The following CALCRL variants were observed in gnomAD, a reference collection of about 807,000 sequenced individuals.
The protein encoded by CALCRL is calcitonin receptor like receptor.
A neutral mutation model predicts 60.4 loss-of-function variants in CALCRL; 27 were observed. The ratio of observed to expected loss-of-function variants is 0.45; its 90% confidence interval spans 0.33 to 0.62. The LOEUF (loss-of-function observed/expected upper bound fraction) is 0.62, where lower values mean the gene tolerates loss of function less well. Among genes scored for constraint, CALCRL ranks in the 20% least tolerant of loss-of-function variants. CALCRL has a pLI of 0.03. For synonymous variants in CALCRL, 190 were observed against 182.6 expected (o/e 1.04, Z -0.33); for missense variants, 424 against 540.7 (o/e 0.78, Z 2.14).
intron 3 of CALCRL, among the ~76,000 whole-genome samples, chr2:187,386,085 AC>A (rs1688193618): frequency 6.6e-6 from 1 of 152,260 alleles, no homozygotes; most frequent in African/African-American, 2.4e-5. Context: ...GCTTATAAAT[AC>A]ATTTTAATTT....
intron 8 of CALCRL, among the ~76,000 whole-genome samples, chr2:187,376,328 A>G (rs1249655058): frequency 6.6e-6 from 1 of 152,098 alleles, no homozygotes; most frequent in African/African-American, 2.4e-5. Flanking sequence ...GATTCTTGAA[A>G]TCATACATTG....
intron 1 of CALCRL, among the ~76,000 whole-genome samples, chr2:187,441,192 A>G (rs1165019093): frequency 6.6e-6 from 1 of 152,102 alleles, no homozygotes; most frequent in African/African-American, 2.4e-5. Flanking sequence ...AATTGCGAAC[A>G]CAGTGAATCT....
chr2:187,391,947 T>C (rs931325690), intron 1 of CALCRL, among the ~76,000 whole-genome samples: 2 of 152,106 alleles, frequency 1.3e-5, no homozygotes, highest in Admixed American at 6.6e-5. Context: ...ATACTTAAAT[T>C]TTAAGAGGGC....
intron 1 of CALCRL, among the ~76,000 whole-genome samples, chr2:187,440,704 CTT>C (rs371328446): frequency 5.7e-4 from 87 of 152,008 alleles, no homozygotes; most frequent in African/African-American, 1.9e-3. Context: ...AATATAAAGT[CTT>C]TGTTAATTTT....
intron 7 of CALCRL, among the ~76,000 whole-genome samples, chr2:187,379,414 G>A (rs1478454961): frequency 6.6e-6 from 1 of 152,232 alleles, no homozygotes; most frequent in East Asian, 1.9e-4. Flanking sequence ...TTGTTCAGAT[G>A]TAAATGCCAG....
chr2:187,422,533 T>G (rs1323406006), intron 1 of CALCRL, among the ~76,000 whole-genome samples: 1 of 152,122 alleles, frequency 6.6e-6, no homozygotes, highest in East Asian at 1.9e-4. Flanking sequence ...GGCAATTTGC[T>G]TTGGGGCATT....
chr2:187,439,113 A>G (rs1356335273), intron 1 of CALCRL, among the ~76,000 whole-genome samples: 2 of 152,174 alleles, frequency 1.3e-5, no homozygotes, highest in Non-Finnish European at 2.9e-5. Context: ...GGTGCTTCAT[A>G]TATATTAGTG....
rs74590849 is a variant in CALCRL at position 187,401,804 on chromosome 2, T to C, written c.-292-14048A>G. ...AAACATCAAAAATACAAGAGAAATA[T>C]TAGCAAGAAAAAATGTTGAACTTTG... On this transcript the variant is annotated intron_variant, in intron 1 of 14. Transcript: ENST00000392370. 2.1e-3 allele frequency among the ~76,000 whole-genome samples: 317 copies of C among 151,762 alleles called. 4 individuals are homozygous for C. In the East Asian group the frequency reaches 0.052, roughly 25 times the overall value.
chr2:187,447,351 C>T (rs1410753284), intron 1 of CALCRL, among the ~76,000 whole-genome samples: 1 of 151,644 alleles, frequency 6.6e-6, no homozygotes, highest in Non-Finnish European at 1.5e-5. Flanking sequence ...TTTTAAAAAT[C>T]TACATTTCCT....
At chr2:187,419,498 CCTT>C (rs1376622682) in intron 1 of CALCRL, among the ~76,000 whole-genome samples, 1 of 152,142 alleles carries the variant, frequency 6.6e-6, no homozygotes, top group African/African-American at 2.4e-5. Context: ...AGTTGTCTAA[CCTT>C]CTAGTCTATG....
chr2:187,410,745 G>A (rs977212732), intron 1 of CALCRL, among the ~76,000 whole-genome samples: 1 of 152,148 alleles, frequency 6.6e-6, no homozygotes, highest in African/African-American at 2.4e-5. Flanking sequence ...AGAGCTGAAG[G>A]TGGGATCAGG....
chr2:187,444,438 C>T (rs768893155), intron 1 of CALCRL, among the ~76,000 whole-genome samples: 2 of 151,428 alleles, frequency 1.3e-5, no homozygotes, highest in Non-Finnish European at 3.0e-5. Context: ...GTGTATAACA[C>T]ATTTAATTTA....
At chr2:187,357,689 A>G (rs1686858125) in intron 12 of CALCRL, among the ~76,000 whole-genome samples, 1 of 150,722 alleles carries the variant, frequency 6.6e-6, no homozygotes, top group African/African-American at 2.4e-5. Context: ...AGATATACCT[A>G]ATGCTAGATG....
At chr2:187,429,075 G>A (rs1045937470) in intron 1 of CALCRL, among the ~76,000 whole-genome samples, 6 of 151,682 alleles carry the variant, frequency 4.0e-5, no homozygotes, top group African/African-American at 1.5e-4. Flanking sequence ...TTACTATTTT[G>A]GAGTCTGAAA....
rs1394996563 is a variant in CALCRL, at chr2:187,344,409, T to G, written c.*1775A>C. 1 of 151,622 alleles carries G rather than the reference T, an allele frequency of 6.6e-6. No homozygotes were observed. The highest frequency in any genetic ancestry group is 1.5e-5 in the Non-Finnish European group (1 of 67,676). The allele number at this position is 151,622 out of a possible 1,614,324, so 9.4% of individuals were successfully genotyped here. A position where few individuals can be genotyped will look rare whatever the true frequency, so the allele number is the denominator to read the frequency against. ...TTAAGAAACAACTTATGATGAGTAA[T>G]TTGTTTCATCCATTTTAATCAGATT... On this transcript the variant is annotated 3_prime_UTR_variant, in exon 15 of 15. Transcript: ENST00000392370.
At chr2:187,404,002 T>C (rs971116026) in intron 1 of CALCRL, among the ~76,000 whole-genome samples, 2 of 151,948 alleles carry the variant, frequency 1.3e-5, no homozygotes, top group African/African-American at 4.8e-5. Flanking sequence ...TCAGTGAGCC[T>C]AACCTTTACC....
At chr2:187,390,291 T>C (rs1476846807) in intron 1 of CALCRL, among the ~76,000 whole-genome samples, 4 of 152,162 alleles carry the variant, frequency 2.6e-5, no homozygotes, top group Non-Finnish European at 5.9e-5. Flanking sequence ...AGTTCATATT[T>C]TTCTGAATAA....
chr2:187,391,315 T>C (rs1688437023), intron 1 of CALCRL, among the ~76,000 whole-genome samples: 1 of 152,218 alleles, frequency 6.6e-6, no homozygotes, highest in Non-Finnish European at 1.5e-5. Context: ...CAAATCATTT[T>C]TAATCTCTTT....
chr2:187,427,096 G>T (rs1690175978), intron 1 of CALCRL, among the ~76,000 whole-genome samples: 1 of 152,074 alleles, frequency 6.6e-6, no homozygotes. Flanking sequence ...TACAACACTT[G>T]TGTTTTTTGT....
Sources: allele counts gnomAD v4.1 joint callset (sites outside exome capture counted in the v4.1 genomes callset), GRCh38; gene constraint gnomAD v4.1.1; transcripts MANE v1.5; gene names NCBI Gene and HGNC (gene_info 2026-07-23, HGNC 2026-07-21).